GPR160: variants seen among roughly 807,000 people sequenced by gnomAD.
GPR160 encodes G protein-coupled receptor 160.
In GPR160, 2 loss-of-function variants were observed where a neutral mutation model predicts 2.6. That is an observed-to-expected ratio of 0.77 (90% CI 0.32 to 2.44). The LOEUF is 2.44. GPR160 is among the 30% of genes most tolerant of loss of function. The pLI, the probability that GPR160 is intolerant of heterozygous loss-of-function variation, is 0.11. For synonymous variants in GPR160, 130 were observed against 132.2 expected, an observed-to-expected ratio of 0.98 and a Z score of 0.12; for missense variants, 351 against 383.6, an observed-to-expected ratio of 0.91 and a Z score of 0.71.
chr3:170,083,971 A>G lies in GPR160; in HGVS notation c.-2A>G. The G allele has an allele frequency of 6.9e-7, 1 of 1,446,558 alleles. No individual in the cohort carries two copies. Among genetic ancestry groups the G allele is most frequent in the Non-Finnish European group, 9.1e-7 (1 of 1,097,312 alleles). The allele number at this position is 1,446,558 out of a possible 1,614,324, so 89.6% of individuals were successfully genotyped here. ...AGGTCTTCTTGAAATTTAACTAAAA[A>G]TATGACTGCTCTCTCTTCAGAGAAC... On this transcript the variant is annotated 5_prime_UTR_variant, in exon 4 of 4. Coordinates refer to ENST00000355897, the MANE Select transcript of GPR160 (RefSeq NM_014373.3).
intron 2 of GPR160, among the ~76,000 whole-genome samples, chr3:170,053,178 G>T (rs551877172): frequency 2.6e-5 from 4 of 152,146 alleles, no homozygotes; most frequent in Non-Finnish European, 5.9e-5. Context: ...AAAGAAAAAG[G>T]CCTGGTTGGA....
In GPR160 at chr3:170,078,841, G is replaced by A. The variant is rs756026328; in HGVS notation, c.-192-933G>A. ...AAAAAAAAGGGGGAGATGTAGATCA[G>A]TCAGAGTGGTGGGAGAAACTGTAGG... On this transcript the variant is annotated intron_variant, in intron 2 of 3. Transcript: ENST00000355897. Among the ~76,000 whole-genome samples, 9 of 152,184 alleles carry A rather than the reference G, an allele frequency of 5.9e-5. No individual in the cohort carries two copies. The South Asian group carries it at 6.2e-4, about 11-fold the overall frequency.
chr3:170,057,731 T>G (rs1323782119), intron 2 of GPR160: 1 of 152,262 alleles, frequency 6.6e-6, no homozygotes, highest in African/African-American at 2.4e-5. Flanking sequence ...GCTGCTTTCT[T>G]GGCCCAGGGC....
chr3:170,041,893 C>T (rs1040421062), intron 2 of GPR160, among the ~76,000 whole-genome samples: 4 of 152,200 alleles, frequency 2.6e-5, no homozygotes, highest in Non-Finnish European at 4.4e-5. Flanking sequence ...TGTTTACTCT[C>T]CTCTGTAGGA....
intron 2 of GPR160, among the ~76,000 whole-genome samples, chr3:170,056,636 G>A (rs1299090474): frequency 2.6e-5 from 4 of 152,152 alleles, no homozygotes; most frequent in African/African-American, 9.7e-5. Flanking sequence ...CATAACTGGT[G>A]GCATATTAGT....
chr3:170,074,453 G>A (rs923418365), intron 2 of GPR160, among the ~76,000 whole-genome samples: 4 of 151,834 alleles, frequency 2.6e-5, no homozygotes, highest in African/African-American at 9.7e-5. Flanking sequence ...TGGGGTTGTT[G>A]TTGTTGTTTT....
intron 2 of GPR160, among the ~76,000 whole-genome samples, chr3:170,042,828 T>TAAAAA (rs763216364): frequency 4.6e-5 from 5 of 107,996 alleles, no homozygotes; most frequent in Admixed American, 1.0e-4. Flanking sequence ...CTCTCTCTCT[T>TAAAAA]AAAAAAAAAA....
chr3:170,058,220 G>A (rs1043016858), intron 2 of GPR160, among the ~76,000 whole-genome samples: 13 of 152,170 alleles, frequency 8.5e-5, no homozygotes, highest in African/African-American at 1.2e-4. Context: ...TACTTCTCTC[G>A]TGTAGCAGGC....
chr3:170,075,028 C>T (rs1008147981), intron 2 of GPR160, among the ~76,000 whole-genome samples: 4 of 152,080 alleles, frequency 2.6e-5, no homozygotes, highest in Non-Finnish European at 5.9e-5. Flanking sequence ...GAATTCGAGA[C>T]TAGCCTGGCC....
intron 2 of GPR160, among the ~76,000 whole-genome samples, chr3:170,056,763 G>A (rs1304795986): frequency 6.6e-6 from 1 of 152,184 alleles, no homozygotes; most frequent in East Asian, 1.9e-4. Context: ...AATTTTGTAA[G>A]TAAGAGGTTC....
intron 2 of GPR160, among the ~76,000 whole-genome samples, chr3:170,072,168 G>A (rs554648929): frequency 6.2e-5 from 9 of 145,944 alleles, no homozygotes; most frequent in South Asian, 2.2e-4. Flanking sequence ...TCCACTTCCC[G>A]GGTTCAAGCG....
chr3:170,083,915 T>C lies in GPR160; in HGVS notation c.-58T>C. On this transcript the variant is annotated 5_prime_UTR_variant, in exon 4 of 4. The change abolishes an upstream ATG in the 5' untranslated region. Transcript: ENST00000355897. ...TCACTTTTTTTGCAGGGACAGAAAA[T>C]GAAGCAGTGTTTTATCATGTGTATT... The C allele has an allele frequency of 1.1e-6, 1 of 950,038 alleles. No individual in the cohort carries two copies. Among genetic ancestry groups the C allele is most frequent in the Non-Finnish European group, 1.5e-6 (1 of 675,472 alleles). The allele number at this position is 950,038 out of a possible 1,614,324, so 58.9% of individuals were successfully genotyped here.
rs1559978435 is a variant in GPR160 at position 170,038,173 on chromosome 3, T to G, written c.-364T>G. The G allele has an allele frequency of 6.6e-6, 1 of 152,104 alleles. No individual in the cohort carries two copies. The highest frequency in any genetic ancestry group is 6.6e-5 in the Admixed American group (1 of 15,256). The allele number at this position is 152,104 out of a possible 1,614,324, so 9.4% of individuals were successfully genotyped here. ...CACCTGGGCACGGGCGCTGCAGGTG[T>G]CGGGGCCTCAACCTTGCGGAGCCGA... On this transcript the variant is annotated 5_prime_UTR_variant, in exon 1 of 4. Coordinates refer to ENST00000355897, the MANE Select transcript of GPR160 (RefSeq NM_014373.3). The surrounding 1 kb of genome is among the most constrained non-coding windows in gnomAD (Gnocchi z 5.3).
chr3:170,075,687 G>A (rs1712816507), intron 2 of GPR160, among the ~76,000 whole-genome samples: 1 of 152,190 alleles, frequency 6.6e-6, no homozygotes, highest in South Asian at 2.1e-4. Context: ...GTTTTGGCCT[G>A]GTAGACCATT....
chr3:170,066,118 C>A (rs994669965), intron 2 of GPR160, among the ~76,000 whole-genome samples: 38 of 75,274 alleles, frequency 5.0e-4, no homozygotes, highest in African/African-American at 1.9e-3. Flanking sequence ...TGACACTATT[C>A]TTTTTCTTTT....
intron 2 of GPR160, among the ~76,000 whole-genome samples, chr3:170,078,260 A>G (rs1712963595): frequency 6.6e-6 from 1 of 152,134 alleles, no homozygotes. Flanking sequence ...TATGGGCCTT[A>G]GTTAGGGCTG....
chr3:170,047,826 G>A (rs1455415859), intron 2 of GPR160, among the ~76,000 whole-genome samples: 2 of 149,604 alleles, frequency 1.3e-5, no homozygotes, highest in Admixed American at 1.3e-4. Flanking sequence ...GGAACTGAAG[G>A]ACATTATTCT....
chr3:170,083,779 C>CAT (rs1713261041), intron 3 of GPR160, 126 bp from the exon 4 acceptor site: 8 of 413,300 alleles, frequency 1.9e-5, no homozygotes, highest in Non-Finnish European at 3.0e-5. Context: ...TATTATGTGA[C>CAT]ATATAATTCT....
At chr3:170,062,079 T>G (rs973889317) in intron 2 of GPR160, among the ~76,000 whole-genome samples, 1 of 152,238 alleles carries the variant, frequency 6.6e-6, no homozygotes, top group Admixed American at 6.5e-5. Context: ...ATGCCATCCA[T>G]TGTAAGACAT....
Sources: gnomAD v4.1 joint callset for allele counts (sites outside exome capture counted in the v4.1 genomes callset) on GRCh38, gnomAD v4.1.1 for gene constraint, Gnocchi (gnomAD v3.1) non-coding constraint, MANE v1.5 for transcripts, NCBI Gene and HGNC (gene_info 2026-07-23, HGNC 2026-07-21) for gene names.